MEGF10: variants seen among roughly 807,000 people sequenced by gnomAD.
The protein encoded by MEGF10 is multiple epidermal growth factor-like domains protein 10.
MEGF10 carries 86 observed loss-of-function variants against 147.5 expected under a neutral mutation model. The ratio of observed to expected loss-of-function variants is 0.58; its 90% CI spans 0.49 to 0.70. The LOEUF (loss-of-function observed/expected upper bound fraction) is 0.70. Ranked by LOEUF, MEGF10 falls within the 30% of genes least tolerant of loss-of-function variation. The pLI is 0.00. For synonymous variants in MEGF10, 478 were observed against 525.5 expected, an observed-to-expected ratio of 0.91 and a Z score of 1.24; for missense variants, 1,329 against 1,487.3, an observed-to-expected ratio of 0.89 and a Z score of 1.75.
the MEGF10 span, among the ~76,000 whole-genome samples, chr5:127,255,230 G>A: frequency 6.6e-6 from 1 of 152,048 alleles, no homozygotes; most frequent in Non-Finnish European, 1.5e-5. Context: ...ACCAATCTTA[G>A]GTTTTACAAT....
intron 1 of MEGF10, among the ~76,000 whole-genome samples, chr5:127,294,387 G>A (rs1759400524): frequency 6.6e-6 from 1 of 152,200 alleles, no homozygotes; most frequent in Admixed American, 6.5e-5. Flanking sequence ...ATGGATGAAT[G>A]ATAGTCAACA....
At chr5:127,322,920 A>C (rs1479092912) in intron 1 of MEGF10, among the ~76,000 whole-genome samples, 2 of 152,166 alleles carry the variant, frequency 1.3e-5, no homozygotes, top group Non-Finnish European at 2.9e-5. Context: ...AAAAACATAT[A>C]TAATGTGTAT....
chr5:127,372,322 C>T (rs1194505412), intron 5 of MEGF10, among the ~76,000 whole-genome samples: 2 of 152,178 alleles, frequency 1.3e-5, no homozygotes, highest in South Asian at 2.1e-4. Context: ...TATTTGGGAA[C>T]ACTTTTAGAC....
At chr5:127,418,233 C>T (rs1194584547) in intron 10 of MEGF10, among the ~76,000 whole-genome samples, 1 of 152,128 alleles carries the variant, frequency 6.6e-6, no homozygotes, top group East Asian at 1.9e-4. Context: ...GTTGGTAGTA[C>T]ATAAGTTTTT....
chr5:127,292,976 T>C (rs1160519403), intron 1 of MEGF10, among the ~76,000 whole-genome samples: 1 of 152,226 alleles, frequency 6.6e-6, no homozygotes, highest in African/African-American at 2.4e-5. Context: ...ACAATTTCCA[T>C]ACCTGTTAAA....
chr5:127,241,545 G>A, the MEGF10 span, among the ~76,000 whole-genome samples: 8,765 of 152,056 alleles, frequency 0.058, 293 homozygotes, highest in South Asian at 0.095. Context: ...TTGGTGGGGG[G>A]CTTAAAGAGA....
chr5:127,382,710 A>G (rs1580792269), intron 5 of MEGF10, among the ~76,000 whole-genome samples: 1 of 152,290 alleles, frequency 6.6e-6, no homozygotes, highest in South Asian at 2.1e-4. Flanking sequence ...AAACAGACAA[A>G]TGATTATTTA....
rs999745586 is a variant in MEGF10 at position 127,374,520 on chromosome 5, A to G, written c.412+4518A>G. On this transcript the variant is annotated intron_variant, in intron 5 of 24. Transcript: ENST00000503335. Reference sequence around the variant, plus strand: ...GTTTGCATTCCTATACATAAAAAAAACCCCTGTATTTCCACCTAATATACA... The same window carrying G: ...GTTTGCATTCCTATACATAAAAAAAGCCCCTGTATTTCCACCTAATATACA... Among the ~76,000 whole-genome samples the G allele has an allele frequency of 7.5e-4, 112 of 149,640 alleles. 2 individuals are homozygous for G. The East Asian group carries it at 9.1e-3, about 12-fold the overall frequency.
chr5:127,340,615 G>A lies in MEGF10; in HGVS notation c.304G>A (p.Gly102Arg), dbSNP rs200703478. ...SQCCPGFYESGEMCVPHCADK... is the reference protein window; with the variant it reads ...SQCCPGFYESREMCVPHCADK... The stretch of plus-strand genomic sequence containing the variant: ...GTGTTGTCCTGGATTTTATGAAAGC[G>A]GGGAAATGTGTGTCCGTAAGTAAGA... Residue 102 changes from glycine (G) to arginine (R), a missense_variant, in exon 4 of 25, where the codon GGG becomes AGG. This residue lies in a region of MEGF10 where 980 missense variants were observed against 1,085.9 expected (regional missense o/e 0.90). Transcript: ENST00000503335. 19 of 1,612,466 alleles carry A rather than the reference G, an allele frequency of 1.2e-5. No homozygotes were observed. The highest frequency in any genetic ancestry group is 1.7e-4 in the Middle Eastern group (1 of 6,046).
At chr5:127,305,945 A>G (rs528139022) in intron 1 of MEGF10, among the ~76,000 whole-genome samples, 2 of 152,358 alleles carry the variant, frequency 1.3e-5, no homozygotes, top group East Asian at 1.9e-4. Context: ...ATCTGTTTAT[A>G]GAAGCTCGAG....
At chr5:127,380,802 C>T (rs759478892) in intron 5 of MEGF10, among the ~76,000 whole-genome samples, 15 of 152,174 alleles carry the variant, frequency 9.9e-5, no homozygotes, top group Admixed American at 2.0e-4. Context: ...CAGGTGTGAG[C>T]CACCGCGCCC....
At chr5:127,295,724 A>T (rs964220310) in intron 1 of MEGF10, among the ~76,000 whole-genome samples, 1 of 152,236 alleles carries the variant, frequency 6.6e-6, no homozygotes, top group African/African-American at 2.4e-5. Context: ...TAGATGTAGT[A>T]CAAATATCCA....
the MEGF10 span, among the ~76,000 whole-genome samples, chr5:127,272,672 T>C: frequency 6.6e-6 from 1 of 152,174 alleles, no homozygotes; most frequent in Non-Finnish European, 1.5e-5. Flanking sequence ...TCCTTGGTAT[T>C]TTATTCTTTT....
At chr5:127,355,375 T>C (rs1234257435) in intron 4 of MEGF10, among the ~76,000 whole-genome samples, 1 of 152,030 alleles carries the variant, frequency 6.6e-6, no homozygotes, top group South Asian at 2.1e-4. Context: ...GAGATAAAAG[T>C]GAGACAATCC....
intron 22 of MEGF10, among the ~76,000 whole-genome samples, chr5:127,450,714 C>A (rs1766122423): frequency 6.6e-6 from 1 of 151,770 alleles, no homozygotes; most frequent in Admixed American, 6.6e-5. Context: ...ATATAACTGA[C>A]CTTTGTGTAT....
At chr5:127,376,746 C>T (rs909449609) in intron 5 of MEGF10, among the ~76,000 whole-genome samples, 12 of 152,162 alleles carry the variant, frequency 7.9e-5, no homozygotes, top group African/African-American at 2.9e-4. Flanking sequence ...ATGGCCATAA[C>T]ATACTATAAG....
chr5:127,447,330 C>G (rs553684736), intron 20 of MEGF10, among the ~76,000 whole-genome samples: 56 of 152,036 alleles, frequency 3.7e-4, no homozygotes, highest in Non-Finnish European at 7.9e-4. Context: ...CGCATGCTAC[C>G]GTGCCCGGCT....
intron 6 of MEGF10, among the ~76,000 whole-genome samples, chr5:127,397,711 A>G (rs55851028): frequency 0.062 from 9,369 of 152,240 alleles, 972 homozygotes; most frequent in African/African-American, 0.21. Flanking sequence ...TTAATTGTTA[A>G]TATTGCTTTT....
At chr5:127,424,661 A>G (rs1400332638) in intron 13 of MEGF10, 10 of 861,102 alleles carry the variant, frequency 1.2e-5, no homozygotes, top group Non-Finnish European at 1.5e-5. Flanking sequence ...AGGCTGGTGC[A>G]ATGGACTTTA....
Sources: gnomAD v4.1 joint callset for allele counts (sites outside exome capture counted in the v4.1 genomes callset) on GRCh38, gnomAD v4.1.1 for gene constraint, gnomAD v4.1.1 regional missense constraint, MANE v1.5 for transcripts, NCBI Gene and HGNC (gene_info 2026-07-23, HGNC 2026-07-21) for gene names.